Variants in CRIM1 observed in about 807,000 individuals in gnomAD.
CRIM1 encodes cysteine rich transmembrane BMP regulator 1.
Under a neutral mutation model 116.4 loss-of-function variants are expected in CRIM1, and 32 were observed. That is an observed-to-expected ratio of 0.27 (90% CI 0.21 to 0.37). The LOEUF (loss-of-function observed/expected upper bound fraction) is 0.37, where lower values mean the gene tolerates loss of function less well. Ranked by LOEUF, CRIM1 falls within the 10% of genes least tolerant of loss-of-function variation. The pLI, the probability that CRIM1 is intolerant of heterozygous loss-of-function variation, is 1.00. For missense variants in CRIM1, 1,331 were observed against 1,354.8 expected (o/e 0.98, Z 0.28); for synonymous variants, 590 against 509.2 (o/e 1.16, Z -2.13).
chr2:36,456,419 T>C (rs987247603), intron 4 of CRIM1, among the ~76,000 whole-genome samples: 1 of 152,228 alleles, frequency 6.6e-6, no homozygotes, highest in Non-Finnish European at 1.5e-5. Flanking sequence ...CCTATGTTGC[T>C]AAACTAAAAC....
Position 36,477,048 on chromosome 2 carries a change from G to T in CRIM1, c.1151G>T (p.Gly384Val), listed in dbSNP as rs1333375619. ...INCERYYVPE[G>V]ECCPVCEDPV... is the part of the protein sequence containing the mutation. ...TGCGAGAGGTACTACGTGCCCGAAGGAGAGTGCTGCCCAGTGTGTGAAGGT... is the reference window on the plus strand; with the variant it reads ...TGCGAGAGGTACTACGTGCCCGAAGTAGAGTGCTGCCCAGTGTGTGAAGGT... The change falls in exon 6 of 17, where the codon GGA becomes GTA. Residue 384 changes from glycine to valine, a missense_variant. By Grantham distance (109) the Gly-to-Val change is moderately radical. Coordinates refer to ENST00000280527, the MANE Select transcript of CRIM1 (RefSeq NM_016441.3). The T allele has an allele frequency of 1.9e-6, 3 of 1,613,660 alleles. No individual in the cohort carries two copies. The highest frequency in any genetic ancestry group is 2.5e-6 in the Non-Finnish European group (3 of 1,179,862).
chr2:36,378,399 C>A (rs1322171786), intron 1 of CRIM1: 9 of 471,174 alleles, frequency 1.9e-5, no homozygotes, highest in Admixed American at 4.7e-5. Flanking sequence ...CATTACTGCT[C>A]ATCTCAAAGA....
At chr2:36,454,119 A>T (rs1290741607) in intron 4 of CRIM1, among the ~76,000 whole-genome samples, 1 of 152,104 alleles carries the variant, frequency 6.6e-6, no homozygotes, top group Non-Finnish European at 1.5e-5. Context: ...GCCCCATATT[A>T]CTCAGCCCTG....
At chr2:36,453,895 CTGT>C (rs1471980066) in intron 4 of CRIM1, among the ~76,000 whole-genome samples, 2 of 152,124 alleles carry the variant, frequency 1.3e-5, no homozygotes, top group African/African-American at 4.8e-5. Context: ...GCATTCTAGG[CTGT>C]TGTTGATTTT....
intron 2 of CRIM1, among the ~76,000 whole-genome samples, chr2:36,414,701 C>A (rs57947134): frequency 6.6e-6 from 1 of 152,022 alleles, no homozygotes; most frequent in Non-Finnish European, 1.5e-5. Context: ...AGTGAACTTG[C>A]CCATGTTCAG....
chr2:36,450,911 G>A (rs1676667452), intron 4 of CRIM1, among the ~76,000 whole-genome samples: 1 of 152,204 alleles, frequency 6.6e-6, no homozygotes, highest in South Asian at 2.1e-4. Flanking sequence ...AATAGATAGA[G>A]ATGTTTAGAA....
chr2:36,423,547 G>A (rs960227887), intron 2 of CRIM1, among the ~76,000 whole-genome samples: 1 of 152,192 alleles, frequency 6.6e-6, no homozygotes, highest in Non-Finnish European at 1.5e-5. Flanking sequence ...CAGTAAAAGA[G>A]TTCAGGCCTT....
At position 36,439,428 on chromosome 2, in the gene CRIM1, A is replaced by G. The variant is rs572167784; in HGVS notation, c.506-1830A>G. Among the ~76,000 whole-genome samples the G allele has an allele frequency of 3.9e-5, 6 of 152,252 alleles. No individual in the cohort carries two copies. In the East Asian group the frequency reaches 9.7e-4, roughly 24 times the overall value. On this transcript the variant is annotated intron_variant, in intron 2 of 16. Coordinates refer to ENST00000280527, the MANE Select transcript of CRIM1 (RefSeq NM_016441.3). ...TGAATTATTCTCTTCCTCTTTCTAT[A>G]TAATCAAATCTCTAATTTGTCCCAT...
chr2:36,526,799 G>A (rs1308783911), intron 13 of CRIM1, among the ~76,000 whole-genome samples: 1 of 152,082 alleles, frequency 6.6e-6, no homozygotes, highest in Non-Finnish European at 1.5e-5. Flanking sequence ...TACTTTGATC[G>A]TAACGTCTAT....
chr2:36,444,790 G>T (rs185339029), intron 4 of CRIM1, among the ~76,000 whole-genome samples: 94 of 152,262 alleles, frequency 6.2e-4, no homozygotes, highest in African/African-American at 2.0e-3. Context: ...CGAGTCCTGT[G>T]CCTTTGCAGT....
In CRIM1 at chr2:36,441,509, G is replaced by A. The variant is rs375455449; in HGVS notation, c.748+9G>A. The A allele has an allele frequency of 2.4e-5, 39 of 1,606,410 alleles. No individual in the cohort carries two copies. Among genetic ancestry groups the A allele is most frequent in the African/African-American group, 1.7e-4 (13 of 74,912 alleles). On this transcript the variant is annotated intron_variant, in intron 3 of 16. Transcript: ENST00000280527. ...CTATGAGTGCAAACCAGGTATGCAC[G>A]AGCTCTGTCTCAGCAGCCTTGTTCC...
rs78277067 is a variant in CRIM1, at chr2:36,373,951, G to A, written c.331+17328G>A. Reference sequence around the variant, plus strand: ...AAAAATCTGCCTCTGGCCATCATTCGTTAATTTACATAGATTAGATACATG... The same window carrying A: ...AAAAATCTGCCTCTGGCCATCATTCATTAATTTACATAGATTAGATACATG... On this transcript the variant is annotated intron_variant, in intron 1 of 16. Transcript: ENST00000280527. Among the ~76,000 whole-genome samples the A allele has an allele frequency of 1.8e-3, 278 of 152,262 alleles. 8 individuals are homozygous for A. The East Asian group carries it at 0.048, about 26-fold the overall frequency.
chr2:36,431,692 C>T lies in CRIM1; in HGVS notation c.506-9566C>T, dbSNP rs551959767. On this transcript the variant is annotated intron_variant, in intron 2 of 16. Transcript: ENST00000280527. The stretch of plus-strand genomic sequence containing the variant: ...CTCCTTTAATTCAGCAAGCGTTTGT[C>T]GGTCTTCCTTGAATGAGCAGGAACT... Among the ~76,000 whole-genome samples the T allele has an allele frequency of 3.6e-4, 55 of 152,222 alleles. 1 individual carries two copies. The South Asian group carries it at 0.01, about 28-fold the overall frequency.
intron 10 of CRIM1, 102 bp from the exon 11 acceptor site, chr2:36,513,454 C>T (rs909864465): frequency 1.4e-5 from 12 of 845,340 alleles, no homozygotes; most frequent in Middle Eastern, 3.3e-4. Flanking sequence ...CTGTGTTAGA[C>T]GTAATTGTTG....
intron 1 of CRIM1, among the ~76,000 whole-genome samples, chr2:36,370,833 A>T (rs3770953): frequency 0.015 from 2,212 of 152,276 alleles, 60 homozygotes; most frequent in South Asian, 0.079. Context: ...TTCCCCCTCT[A>T]CTTCTAATCT....
At chr2:36,498,778 T>A (rs997854137) in intron 7 of CRIM1, among the ~76,000 whole-genome samples, 1 of 152,116 alleles carries the variant, frequency 6.6e-6, no homozygotes, top group African/African-American at 2.4e-5. Context: ...GGAAAAAAAA[T>A]AGTAACCGAT....
chr2:36,449,196 C>T (rs1340615054), intron 4 of CRIM1, among the ~76,000 whole-genome samples: 1 of 152,018 alleles, frequency 6.6e-6, no homozygotes, highest in Non-Finnish European at 1.5e-5. Context: ...ATTGACAAGC[C>T]AGAATCACAG....
chr2:36,458,871 G>A (rs1225310251), intron 4 of CRIM1, among the ~76,000 whole-genome samples: 1 of 152,214 alleles, frequency 6.6e-6, no homozygotes, highest in Non-Finnish European at 1.5e-5. Flanking sequence ...GTCTGCAAGA[G>A]TTTAAGTAGC....
rs1383909470 is a variant in CRIM1, at chr2:36,442,735, G to A, written c.869G>A (p.Arg290Lys). Residue 290 changes from arginine (R) to lysine (K), a missense_variant and splice_region_variant, in exon 4 of 17, where the codon AGA becomes AAA. By Grantham distance (26) the Arg-to-Lys change is conservative. Transcript: ENST00000280527. Reference sequence around the variant, plus strand: ...GATGGTTGCTGTACTTTGCCAACAAGGTTAGTTTGCCATTAGTTTGTCAAG... The same window carrying A: ...GATGGTTGCTGTACTTTGCCAACAAAGTTAGTTTGCCATTAGTTTGTCAAG... ...TADGCCTLPT[R>K]CECLSGLCGF... 6.8e-6 allele frequency: 11 copies of A among 1,614,106 alleles called. No homozygotes were observed. Among genetic ancestry groups the A allele is most frequent in the African/African-American group, 1.3e-5 (1 of 75,024 alleles).
Sources: gnomAD v4.1 joint callset for allele counts (sites outside exome capture counted in the v4.1 genomes callset) on GRCh38, gnomAD v4.1.1 for gene constraint, MANE v1.5 for transcripts, NCBI Gene and HGNC (gene_info 2026-07-23, HGNC 2026-07-21) for gene names.